Variants in IL1RAPL2 observed in about 807,000 individuals in gnomAD.
IL1RAPL2 encodes X-linked interleukin-1 receptor accessory protein-like 2.
Under a neutral mutation model 44.1 loss-of-function variants are expected in IL1RAPL2, and 3 were observed. That is an observed-to-expected ratio of 0.07 (90% CI 0.03 to 0.18). The LOEUF is 0.18. IL1RAPL2 is among the 10% of genes least tolerant of loss of function. IL1RAPL2 has a pLI of 1.00. For missense variants in IL1RAPL2, 391 were observed against 496.4 expected (o/e 0.79, Z 2.02); for synonymous variants, 181 against 178.8 (o/e 1.01, Z -0.10).
intron 2 of IL1RAPL2, among the ~76,000 whole-genome samples, chrX:104,688,742 G>A (rs1249315862): frequency 9.0e-6 from 1 of 111,007 alleles, no homozygotes; most frequent in African/African-American, 3.3e-5. Context: ...TAACAGTTGA[G>A]GATTAATGAG....
intron 2 of IL1RAPL2, among the ~76,000 whole-genome samples, chrX:104,810,067 T>C (rs1484019641): frequency 1.4e-4 from 15 of 110,195 alleles, no homozygotes; most frequent in African/African-American, 5.0e-4. Context: ...ATATACACCT[T>C]GGAATACTAT....
At chrX:105,663,457 G>C (rs755668224) in intron 6 of IL1RAPL2, among the ~76,000 whole-genome samples, 1 of 111,656 alleles carries the variant, frequency 9.0e-6, no homozygotes, top group Admixed American at 9.5e-5. Context: ...ATTAACTGTA[G>C]TCCATACTAT....
At chrX:105,648,965 G>T (rs1221574781) in intron 6 of IL1RAPL2, among the ~76,000 whole-genome samples, 1 of 111,307 alleles carries the variant, frequency 9.0e-6, no homozygotes, top group African/African-American at 3.3e-5. Context: ...GGTAAGAAGA[G>T]TCTGTAGGCT....
At chrX:104,961,274 G>A (rs1465829003) in intron 2 of IL1RAPL2, among the ~76,000 whole-genome samples, 2 of 111,665 alleles carry the variant, frequency 1.8e-5, no homozygotes, top group Non-Finnish European at 3.8e-5. Flanking sequence ...GTCAAACATT[G>A]CTGCCTTGAA....
intron 3 of IL1RAPL2, among the ~76,000 whole-genome samples, chrX:105,214,372 A>G (rs1162985182): frequency 9.3e-6 from 1 of 107,778 alleles, no homozygotes; most frequent in Non-Finnish European, 1.9e-5. Context: ...AAAAAAAAAG[A>G]CAAAGAAGGG....
chrX:104,578,929 T>C (rs1021415076), intron 1 of IL1RAPL2, among the ~76,000 whole-genome samples: 2 of 111,837 alleles, frequency 1.8e-5, no homozygotes, highest in East Asian at 2.8e-4. Context: ...AATTATCACA[T>C]AGCTATATTT....
At chrX:105,174,610 T>C (rs1297525718) in intron 2 of IL1RAPL2, among the ~76,000 whole-genome samples, 1 of 111,721 alleles carries the variant, frequency 9.0e-6, no homozygotes, top group Non-Finnish European at 1.9e-5. Context: ...AGTAGGAAGC[T>C]AAGAGCCATA....
intron 2 of IL1RAPL2, among the ~76,000 whole-genome samples, chrX:104,901,263 T>A (rs886854080): frequency 2.3e-5 from 2 of 86,562 alleles, no homozygotes; most frequent in Non-Finnish European, 4.3e-5. Context: ...CAGGCTGGAG[T>A]GCAGTGGTGT....
intron 6 of IL1RAPL2, among the ~76,000 whole-genome samples, chrX:105,656,114 C>G (rs1208097791): frequency 8.9e-6 from 1 of 111,748 alleles, no homozygotes; most frequent in African/African-American, 3.3e-5. Context: ...TCCCAACCCC[C>G]CACTACTATT....
chrX:104,579,956 A>T (rs769085702), intron 1 of IL1RAPL2, among the ~76,000 whole-genome samples: 2 of 110,664 alleles, frequency 1.8e-5, no homozygotes, highest in Non-Finnish European at 3.8e-5. Flanking sequence ...AATCTTCCCC[A>T]CCCCTATCCC....
chrX:105,280,137 C>A (rs1455800053), intron 5 of IL1RAPL2, among the ~76,000 whole-genome samples: 4 of 111,632 alleles, frequency 3.6e-5, no homozygotes, highest in Admixed American at 2.9e-4. Context: ...CATCTACAAT[C>A]ATCTGATCAT....
At chrX:105,606,192 G>T (rs2037291584) in intron 6 of IL1RAPL2, among the ~76,000 whole-genome samples, 1 of 111,452 alleles carries the variant, frequency 9.0e-6, no homozygotes, top group African/African-American at 3.3e-5. Flanking sequence ...AATATACAAA[G>T]AACTCAAAAC....
At chrX:105,030,677 A>T (rs1000231692) in intron 2 of IL1RAPL2, among the ~76,000 whole-genome samples, 3 of 111,287 alleles carry the variant, frequency 2.7e-5, no homozygotes, top group African/African-American at 3.3e-5. Flanking sequence ...AGTCAGGTAG[A>T]GTGATGCCTC....
chrX:105,367,858 A>C (rs781145302), intron 5 of IL1RAPL2, among the ~76,000 whole-genome samples: 1 of 111,289 alleles, frequency 9.0e-6, no homozygotes, highest in East Asian at 2.8e-4. Flanking sequence ...ATATATTTTC[A>C]TGTTGCTACT....
intron 10 of IL1RAPL2, among the ~76,000 whole-genome samples, chrX:105,758,901 T>C (rs759135272): frequency 1.8e-5 from 2 of 111,832 alleles, no homozygotes; most frequent in Non-Finnish European, 3.8e-5. Flanking sequence ...ACTTGAGAAG[T>C]AGAGATTTTT....
chrX:105,638,608 A>G (rs1199769124), intron 6 of IL1RAPL2, among the ~76,000 whole-genome samples: 1 of 112,232 alleles, frequency 8.9e-6, no homozygotes, highest in Non-Finnish European at 1.9e-5. Context: ...GAAAGGAACC[A>G]CTGCTTCAAA....
At chrX:105,548,819 C>T (rs998557416) in intron 6 of IL1RAPL2, among the ~76,000 whole-genome samples, 9 of 112,019 alleles carry the variant, frequency 8.0e-5, no homozygotes, top group Non-Finnish European at 1.1e-4. Context: ...TGGATTAACA[C>T]GGTCTTAGAC....
At chrX:105,182,388 C>T (rs782348543) in intron 2 of IL1RAPL2, among the ~76,000 whole-genome samples, 1 of 111,506 alleles carries the variant, frequency 9.0e-6, no homozygotes, top group Admixed American at 9.5e-5. Context: ...TTTATAATGA[C>T]CTTCTTTATC....
chrX:104,895,001 A>C (rs767915730), intron 2 of IL1RAPL2, among the ~76,000 whole-genome samples: 10 of 112,453 alleles, frequency 8.9e-5, no homozygotes, highest in Non-Finnish European at 1.9e-4. Flanking sequence ...TTTTCTTTCT[A>C]ACAGTCAGGA....
Sources: allele counts gnomAD v4.1 joint callset (sites outside exome capture counted in the v4.1 genomes callset), GRCh38; gene constraint gnomAD v4.1.1; transcripts MANE v1.5; gene names NCBI Gene and HGNC (gene_info 2026-07-23, HGNC 2026-07-21).